SPOCK3: variants seen among roughly 807,000 people sequenced by gnomAD.
SPOCK3 encodes the protein testican-3.
A neutral mutation model predicts 56.6 loss-of-function variants in SPOCK3; 30 were observed. The observed-to-expected ratio is 0.53, with a 90% CI of 0.40 to 0.72. SPOCK3 has a LOEUF of 0.72. SPOCK3 is among the 30% of genes least tolerant of loss of function. SPOCK3 has a pLI of 0.00. For synonymous variants in SPOCK3, 196 were observed against 183.3 expected, an observed-to-expected ratio of 1.07 and a Z score of -0.56; for missense variants, 527 against 530.0, an observed-to-expected ratio of 0.99 and a Z score of 0.06.
chr4:167,196,812 GC>G (rs1732999788), intron 2 of SPOCK3, among the ~76,000 whole-genome samples: 1 of 151,998 alleles, frequency 6.6e-6, no homozygotes, highest in Non-Finnish European at 1.5e-5. Context: ...CCTCACACAG[GC>G]CCTCTCATAT....
intron 2 of SPOCK3, among the ~76,000 whole-genome samples, chr4:167,115,108 G>A (rs1386125651): frequency 1.3e-5 from 2 of 152,102 alleles, no homozygotes; most frequent in Non-Finnish European, 2.9e-5. Context: ...TAACAGATTA[G>A]ATTCAACCAG....
Position 167,065,673 on chromosome 4 carries a change from A to AAAAC in SPOCK3, c.190-3140_190-3137dup, listed in dbSNP as rs1216894816. 3.9e-5 allele frequency among the ~76,000 whole-genome samples: 6 copies of AAAAC among 152,022 alleles called. No individual in the cohort carries two copies. In the East Asian group the frequency reaches 9.7e-4, roughly 25 times the overall value. Reference sequence around the variant, plus strand: ...TCACTAGACTTGTTTTCTTTAAATTAAAACAAACAAACAAAAAAACAAAAA... The same window carrying AAAAC: ...TCACTAGACTTGTTTTCTTTAAATTAAAACAAACAAACAAACAAAAAAACAAAAA... On this transcript the variant is annotated intron_variant, in intron 2 of 10. Coordinates refer to ENST00000357545, the MANE Select transcript of SPOCK3 (RefSeq NM_001040159.2).
In SPOCK3 at chr4:166,764,433, A is replaced by G. The variant is rs192514372; in HGVS notation, c.710-9704T>C. Among the ~76,000 whole-genome samples the G allele has an allele frequency of 5.4e-3, 817 of 152,032 alleles. 8 individuals are homozygous for G. Among genetic ancestry groups the G allele is most frequent in the African/African-American group, 0.018 (759 of 41,456 alleles). The stretch of plus-strand genomic sequence containing the variant: ...TCAATTCCCACCTATGAGTGAGAAC[A>G]TGCGGTGTTTGGTTTTTTGTTCTTG... On this transcript the variant is annotated intron_variant, in intron 7 of 10. Coordinates refer to ENST00000357545, the MANE Select transcript of SPOCK3 (RefSeq NM_001040159.2).
intron 2 of SPOCK3, among the ~76,000 whole-genome samples, chr4:167,219,820 C>G (rs955946169): frequency 6.6e-6 from 1 of 152,066 alleles, no homozygotes; most frequent in Non-Finnish European, 1.5e-5. Flanking sequence ...TTCAGTGTAG[C>G]AGCAAATTAA....
intron 2 of SPOCK3, among the ~76,000 whole-genome samples, chr4:167,097,623 A>T (rs1270714013): frequency 6.6e-6 from 1 of 151,950 alleles, no homozygotes; most frequent in Non-Finnish European, 1.5e-5. Context: ...ATATTGCATG[A>T]TGCTGAGGCT....
chr4:167,100,033 T>G (rs1363125875), intron 2 of SPOCK3, among the ~76,000 whole-genome samples: 1 of 152,188 alleles, frequency 6.6e-6, no homozygotes, highest in Non-Finnish European at 1.5e-5. Flanking sequence ...TCAGAAGTTA[T>G]TTATTCTCAC....
intron 2 of SPOCK3, among the ~76,000 whole-genome samples, chr4:167,145,923 T>C (rs1301343321): frequency 6.6e-6 from 1 of 152,122 alleles, no homozygotes; most frequent in Non-Finnish European, 1.5e-5. Flanking sequence ...AATAATCAAC[T>C]AGCATCACAA....
chr4:167,053,860 T>A (rs1157002329), intron 3 of SPOCK3, among the ~76,000 whole-genome samples: 1 of 152,040 alleles, frequency 6.6e-6, no homozygotes, highest in African/African-American at 2.4e-5. Flanking sequence ...CTACACTTCT[T>A]GCCCCTAATT....
At chr4:166,767,248 T>C (rs1175970155) in intron 7 of SPOCK3, among the ~76,000 whole-genome samples, 1 of 152,206 alleles carries the variant, frequency 6.6e-6, no homozygotes, top group Non-Finnish European at 1.5e-5. Flanking sequence ...ATGTGTTTGC[T>C]CTTGCCTCTC....
At chr4:167,073,356 C>A (rs1009795485) in intron 2 of SPOCK3, among the ~76,000 whole-genome samples, 3 of 151,702 alleles carry the variant, frequency 2.0e-5, no homozygotes, top group Non-Finnish European at 4.4e-5. Context: ...AAAATTTCAA[C>A]TAAATACTGT....
chr4:166,946,624 A>C (rs549462286), intron 4 of SPOCK3, among the ~76,000 whole-genome samples: 4 of 152,142 alleles, frequency 2.6e-5, no homozygotes, highest in Admixed American at 1.3e-4. Flanking sequence ...CCTCGTCAGC[A>C]CTGCATTCTG....
chr4:166,940,191 A>G (rs1740886635), intron 4 of SPOCK3, among the ~76,000 whole-genome samples: 1 of 152,160 alleles, frequency 6.6e-6, no homozygotes, highest in African/African-American at 2.4e-5. Context: ...GAGAAGAAAT[A>G]TTTGTTCTGG....
chr4:166,804,458 A>T (rs1742942158), intron 6 of SPOCK3, among the ~76,000 whole-genome samples: 1 of 152,082 alleles, frequency 6.6e-6, no homozygotes, highest in Non-Finnish European at 1.5e-5. Context: ...GGGATTCAAC[A>T]TATGATGCAA....
At chr4:167,177,879 A>G (rs1731120398) in intron 2 of SPOCK3, among the ~76,000 whole-genome samples, 1 of 152,150 alleles carries the variant, frequency 6.6e-6, no homozygotes, top group Non-Finnish European at 1.5e-5. Context: ...TTGTCAGTCC[A>G]GCTCCTACCA....
intron 6 of SPOCK3, among the ~76,000 whole-genome samples, chr4:166,821,020 T>C (rs1295102420): frequency 6.6e-6 from 1 of 151,836 alleles, no homozygotes; most frequent in Non-Finnish European, 1.5e-5. Flanking sequence ...GGTCACAGCT[T>C]GAGAGAAAGA....
In SPOCK3 at chr4:166,754,654, T is replaced by C; in HGVS notation, c.785A>G (p.Asp262Gly). Residue 262 changes from aspartate to glycine, a missense_variant, in exon 8 of 11, where the codon GAC (aspartate) becomes GGC (glycine). Physicochemically the swap from Asp to Gly is moderately conservative, Grantham distance 94 (BLOSUM62 -1). Coordinates refer to ENST00000357545, the MANE Select transcript of SPOCK3 (RefSeq NM_001040159.2). The part of the protein sequence containing the change: ...WMFNRLDTNY[D>G]LLLDQSELRS... The stretch of plus-strand genomic sequence containing the variant: ...GAGCTCTGACTGGTCCAATAGCAGG[T>C]CATAGTTTGTATCAAGTCTGTTAAA... 1 of 1,613,726 alleles carries C rather than the reference T, an allele frequency of 6.2e-7. No individual in the cohort carries two copies. The highest frequency in any genetic ancestry group is 8.5e-7 in the Non-Finnish European group (1 of 1,179,776).
At chr4:166,987,370 C>T (rs1747283378) in intron 4 of SPOCK3, among the ~76,000 whole-genome samples, 1 of 152,198 alleles carries the variant, frequency 6.6e-6, no homozygotes, top group African/African-American at 2.4e-5. Context: ...CTTAACTGCT[C>T]TGCCACCTTG....
intron 3 of SPOCK3, among the ~76,000 whole-genome samples, chr4:167,015,535 A>G (rs1017051138): frequency 6.6e-6 from 1 of 152,184 alleles, no homozygotes; most frequent in South Asian, 2.1e-4. Flanking sequence ...AATTGCAAGA[A>G]TAATAAACTA....
intron 6 of SPOCK3, among the ~76,000 whole-genome samples, chr4:166,834,032 C>T (rs1301241203): frequency 6.6e-6 from 1 of 152,172 alleles, no homozygotes; most frequent in Non-Finnish European, 1.5e-5. Context: ...AAAACGTTTT[C>T]CTTCTACTCC....
Sources: allele counts gnomAD v4.1 joint callset (sites outside exome capture counted in the v4.1 genomes callset), GRCh38; gene constraint gnomAD v4.1.1; transcripts MANE v1.5; gene names NCBI Gene and HGNC (gene_info 2026-07-23, HGNC 2026-07-21).